Variants in ST8SIA5 observed in about 807,000 individuals in gnomAD.
ST8SIA5 encodes the protein ST8 alpha-N-acetyl-neuraminide alpha-2,8-sialyltransferase 5.
Under a neutral mutation model 40.2 loss-of-function variants are expected in ST8SIA5, and 24 were observed. The ratio of observed to expected loss-of-function variants is 0.60; its 90% CI spans 0.43 to 0.84. The LOEUF is 0.84. Among genes scored for constraint, ST8SIA5 ranks in the 40% least tolerant of loss-of-function variants. ST8SIA5 has a pLI of 0.00. For synonymous variants in ST8SIA5, 198 were observed against 201.8 expected (o/e 0.98, Z 0.16); for missense variants, 465 against 498.5 (o/e 0.93, Z 0.64).
intron 1 of ST8SIA5, among the ~76,000 whole-genome samples, chr18:46,745,139 C>T (rs1020161036): frequency 3.9e-5 from 6 of 152,186 alleles, no homozygotes; most frequent in Non-Finnish European, 5.9e-5. Flanking sequence ...GACACCCTAA[C>T]ATCACAATTC....
intron 1 of ST8SIA5, among the ~76,000 whole-genome samples, chr18:46,710,409 T>G (rs28593078): frequency 9.1e-5 from 11 of 120,638 alleles, no homozygotes; most frequent in Admixed American, 5.7e-4. Context: ...CTTTCTTTCT[T>G]TCTTTCTTTT....
intron 1 of ST8SIA5, among the ~76,000 whole-genome samples, chr18:46,715,272 G>T (rs2039775931): frequency 6.6e-6 from 1 of 152,204 alleles, no homozygotes; most frequent in African/African-American, 2.4e-5. Flanking sequence ...TTCCTCCGCT[G>T]CTCTGCCTTC....
At chr18:46,751,685 G>A (rs555959572) in intron 1 of ST8SIA5, among the ~76,000 whole-genome samples, 21 of 152,218 alleles carry the variant, frequency 1.4e-4, no homozygotes, top group African/African-American at 4.8e-4. Flanking sequence ...ATGAGCCACC[G>A]CACATGGCAA....
chr18:46,752,332 C>T (rs1180335323), intron 1 of ST8SIA5, among the ~76,000 whole-genome samples: 1 of 152,166 alleles, frequency 6.6e-6, no homozygotes, highest in Non-Finnish European at 1.5e-5. Context: ...TCCCTGGAGA[C>T]CCTGGACTGT....
rs140160534 is a variant in ST8SIA5, at chr18:46,677,598, A to C, written c.*2444T>G. The stretch of plus-strand genomic sequence containing the variant: ...AAAGCTTCTAGTTGTAGAGATGAGG[A>C]AACTGAGACATTGAGGGAGAGGAAG... On this transcript the variant is annotated 3_prime_UTR_variant, in exon 7 of 7. Coordinates refer to ENST00000315087, the MANE Select transcript of ST8SIA5 (RefSeq NM_013305.6). 48 of 152,360 alleles carry C rather than the reference A, an allele frequency of 3.2e-4. No homozygotes were observed. The highest frequency in any genetic ancestry group is 6.8e-3 in the Middle Eastern group (2 of 294). 9.4% of individuals were successfully genotyped at this position (152,360 alleles called of 1,614,324 possible).
At chr18:46,685,019 C>T (rs2039431915) in intron 5 of ST8SIA5, among the ~76,000 whole-genome samples, 1 of 152,126 alleles carries the variant, frequency 6.6e-6, no homozygotes, top group African/African-American at 2.4e-5. Context: ...ACTAACTGGG[C>T]TCTAATGGTG....
At chr18:46,703,995 A>C (rs1039704006) in intron 2 of ST8SIA5, among the ~76,000 whole-genome samples, 1 of 152,098 alleles carries the variant, frequency 6.6e-6, no homozygotes, top group Non-Finnish European at 1.5e-5. Flanking sequence ...GTAAAAAAAA[A>C]CTTTTTAAAT....
At position 46,706,022 on chromosome 18, in the gene ST8SIA5, T is replaced by A. The variant is rs534877975; in HGVS notation, c.132-1358A>T. Among the ~76,000 whole-genome samples, 5 of 152,238 alleles carry A rather than the reference T, an allele frequency of 3.3e-5. No homozygotes were observed. In the East Asian group the frequency reaches 9.6e-4, roughly 29 times the overall value. The stretch of plus-strand genomic sequence containing the variant: ...GGCTTCTTTTAAAAATATTGGTATT[T>A]TTATTATTATTATCATTGTATTTGT... On this transcript the variant is annotated intron_variant, in intron 1 of 6. Transcript: ENST00000315087.
chr18:46,733,450 C>A (rs1445661257), intron 1 of ST8SIA5, among the ~76,000 whole-genome samples: 7 of 152,124 alleles, frequency 4.6e-5, no homozygotes, highest in Admixed American at 1.3e-4. Flanking sequence ...CATCCCAGGC[C>A]ACATACTGAG....
intron 1 of ST8SIA5, among the ~76,000 whole-genome samples, chr18:46,725,974 T>C (rs59038380): frequency 5.7e-5 from 2 of 35,300 alleles, no homozygotes; most frequent in Admixed American, 3.2e-4. Flanking sequence ...AAAAAAAAAA[T>C]ATATATATAT....
intron 1 of ST8SIA5, among the ~76,000 whole-genome samples, chr18:46,755,928 C>T (rs564133967): frequency 6.6e-6 from 1 of 152,212 alleles, no homozygotes; most frequent in South Asian, 2.1e-4. Flanking sequence ...CTTTTTCTCC[C>T]AAGGGTCCTT....
At chr18:46,694,263 C>G (rs1385981218) in intron 2 of ST8SIA5, among the ~76,000 whole-genome samples, 2 of 152,092 alleles carry the variant, frequency 1.3e-5, no homozygotes, top group Non-Finnish European at 2.9e-5. Context: ...ATCCTATGGT[C>G]AAATATAGTT....
rs779437478 is a variant in ST8SIA5, at chr18:46,676,687, T to A, written c.*3355A>T. ...ACTTGTTTTTGCTGCCTTTCAAGCC[T>A]GGAGCAGTGGGTTTAGCACAAAGGA... On this transcript the variant is annotated 3_prime_UTR_variant, in exon 7 of 7. Coordinates refer to ENST00000315087, the MANE Select transcript of ST8SIA5 (RefSeq NM_013305.6). 14 of 152,242 alleles carry A rather than the reference T, an allele frequency of 9.2e-5. No homozygotes were observed. Among genetic ancestry groups the A allele is most frequent in the Non-Finnish European group, 1.9e-4 (13 of 68,046 alleles). 9.4% of individuals were successfully genotyped at this position (152,242 alleles called of 1,614,324 possible).
Position 46,676,996 on chromosome 18 carries a change from C to T in ST8SIA5, c.*3046G>A, listed in dbSNP as rs1445792113. On this transcript the variant is annotated 3_prime_UTR_variant, in exon 7 of 7. Transcript: ENST00000315087. ...GCAAGTCATTCGTGTTGTCACTTAA[C>T]ATGTGCTATCTCTGGGCATCTTTCC... 1.3e-5 allele frequency: 2 copies of T among 152,238 alleles called. No individual in the cohort carries two copies. The highest frequency in any genetic ancestry group is 4.8e-5 in the African/African-American group (2 of 41,466). 9.4% of individuals were successfully genotyped at this position (152,238 alleles called of 1,614,324 possible).
At chr18:46,753,495 C>G (rs1427580456) in intron 1 of ST8SIA5, among the ~76,000 whole-genome samples, 1 of 151,738 alleles carries the variant, frequency 6.6e-6, no homozygotes, top group Non-Finnish European at 1.5e-5. Context: ...ATGGCCTGAA[C>G]CCGGGAGGCA....
chr18:46,726,007 A>ATATATATATATATC (rs1599137439), intron 1 of ST8SIA5, among the ~76,000 whole-genome samples: 1 of 65,282 alleles, frequency 1.5e-5, no homozygotes, highest in Non-Finnish European at 2.9e-5. Context: ...ATATATATAT[A>ATATATATATATATC]TATCCTGGAT....
chr18:46,713,776 C>G (rs34163180), intron 1 of ST8SIA5, among the ~76,000 whole-genome samples: 76,531 of 151,966 alleles, frequency 0.5, 19,619 homozygotes, highest in Admixed American at 0.6. Context: ...ATCTAGCAAC[C>G]AGGAAGTCAT....
At chr18:46,721,319 G>A (rs759825257) in intron 1 of ST8SIA5, 1 of 1,522,416 alleles carries the variant, frequency 6.6e-7, no homozygotes, top group Non-Finnish European at 8.8e-7. Context: ...GCCACCCCGG[G>A]TTGAGCTTCC....
At chr18:46,742,627 T>C (rs555667319) in intron 1 of ST8SIA5, among the ~76,000 whole-genome samples, 1 of 152,336 alleles carries the variant, frequency 6.6e-6, no homozygotes, top group South Asian at 2.1e-4. Flanking sequence ...GGGACCTCTG[T>C]GGGCAGGGCA....
Sources: gnomAD v4.1 joint callset for allele counts (sites outside exome capture counted in the v4.1 genomes callset) on GRCh38, gnomAD v4.1.1 for gene constraint, MANE v1.5 for transcripts, NCBI Gene and HGNC (gene_info 2026-07-23, HGNC 2026-07-21) for gene names.